Variants in ACACA observed in about 807,000 individuals in gnomAD.
The protein encoded by ACACA is acetyl-CoA carboxylase 1.
Under a neutral mutation model 296.1 loss-of-function variants are expected in ACACA, and 103 were observed. The ratio of observed to expected loss-of-function variants is 0.35; its 90% CI spans 0.30 to 0.41. The LOEUF (loss-of-function observed/expected upper bound fraction) is 0.41, where lower values mean the gene tolerates loss of function less well. Ranked by LOEUF, ACACA falls within the 10% of genes least tolerant of loss-of-function variation. ACACA has a pLI of 1.00. For missense variants in ACACA, 1,554 were observed against 2,989.7 expected (o/e 0.52, Z 11.20); for synonymous variants, 953 against 1,038.6 (o/e 0.92, Z 1.58).
rs34799022 is a variant in ACACA, at chr17:37,092,273, C to CAA, written c.6892-3201_6892-3200dup. Among the ~76,000 whole-genome samples, 750 of 104,778 alleles carry CAA rather than the reference C, an allele frequency of 7.2e-3. 5 individuals are homozygous for CAA. Among genetic ancestry groups the CAA allele is most frequent in the African/African-American group, 0.017 (576 of 33,152 alleles). 68.7% of individuals were successfully genotyped at this position (104,778 alleles called of 152,430 possible). A position where few individuals can be genotyped will look rare whatever the true frequency, so the allele number is the denominator to read the frequency against. ...CAGCAGCCTGGGCAATAGAGTGAGA[C>CAA]AAAAAAAAAAAAAAAGAAAATGTGG... is the stretch of plus-strand genomic sequence containing the variant. On this transcript the variant is annotated intron_variant, in intron 54 of 55. Transcript: ENST00000616317.
intron 29 of ACACA, 54 bp downstream of exon 29, chr17:37,221,670 A>G: frequency 7.2e-7 from 1 of 1,386,064 alleles, no homozygotes; most frequent in South Asian, 1.2e-5. Context: ...ACTCCCCTTG[A>G]TTCTCATGGT....
intron 6 of ACACA, 80 bp downstream of exon 6, chr17:37,277,816 T>A: frequency 9.0e-7 from 1 of 1,109,078 alleles, no homozygotes. Context: ...TTTACAAAAA[T>A]GTTCTTCTCT....
intron 1 of ACACA, among the ~76,000 whole-genome samples, chr17:37,392,969 C>A: frequency 6.6e-6 from 1 of 151,712 alleles, no homozygotes; most frequent in Admixed American, 6.6e-5. Flanking sequence ...ATGGTGAAAC[C>A]CGTCTCTACT....
At chr17:37,136,251 C>G (rs1457298281) in intron 45 of ACACA, among the ~76,000 whole-genome samples, 5 of 152,046 alleles carry the variant, frequency 3.3e-5, no homozygotes, top group Non-Finnish European at 7.4e-5. Flanking sequence ...AACCATTGAT[C>G]TTTTTGTTCC....
chr17:37,365,025 T>C (rs1488811163), intron 1 of ACACA, among the ~76,000 whole-genome samples: 1 of 152,134 alleles, frequency 6.6e-6, no homozygotes, highest in East Asian at 1.9e-4. Flanking sequence ...CAGGCTGTAG[T>C]TCAGTAGCGT....
intron 1 of ACACA, among the ~76,000 whole-genome samples, chr17:37,384,428 T>C (rs1216449343): frequency 2.0e-5 from 3 of 152,234 alleles, no homozygotes; most frequent in Non-Finnish European, 2.9e-5. Flanking sequence ...TTTCCCCCTC[T>C]TTCAATCATA....
intron 16 of ACACA, among the ~76,000 whole-genome samples, chr17:37,251,227 G>A: frequency 6.6e-6 from 1 of 152,092 alleles, no homozygotes; most frequent in East Asian, 1.9e-4. Flanking sequence ...ATGTATACAG[G>A]GAGTTGAAAG....
intron 52 of ACACA, among the ~76,000 whole-genome samples, chr17:37,102,199 CTTTTTTTTTTTTT>C (rs35050543): frequency 1.2e-4 from 13 of 106,092 alleles, no homozygotes; most frequent in African/African-American, 5.0e-4. Flanking sequence ...GCATCCAGCT[CTTTTTTTTTTTTT>C]TTTTTTTTTT....
At chr17:37,130,787 C>T (rs1241806525) in intron 45 of ACACA, among the ~76,000 whole-genome samples, 1 of 151,968 alleles carries the variant, frequency 6.6e-6, no homozygotes, top group East Asian at 1.9e-4. Context: ...TGCACACAGA[C>T]ACAAAAAGGT....
intron 45 of ACACA, among the ~76,000 whole-genome samples, chr17:37,136,662 G>T (rs766043051): frequency 6.6e-6 from 1 of 151,968 alleles, no homozygotes; most frequent in Non-Finnish European, 1.5e-5. Context: ...AACCATTTAG[G>T]CCAGGCACAG....
chr17:37,341,499 G>A (rs956453168), intron 1 of ACACA, among the ~76,000 whole-genome samples: 2 of 152,024 alleles, frequency 1.3e-5, no homozygotes, highest in Admixed American at 6.6e-5. Context: ...AAACCAGCTG[G>A]GCCAACATGG....
intron 3 of ACACA, chr17:37,289,668 A>T (rs1598410177): frequency 6.3e-6 from 3 of 479,206 alleles, no homozygotes; most frequent in African/African-American, 2.0e-5. Context: ...CTACTCTATT[A>T]CAGCTTGGCT....
At chr17:37,322,673 G>A (rs1277197095) in intron 3 of ACACA, among the ~76,000 whole-genome samples, 1 of 152,154 alleles carries the variant, frequency 6.6e-6, no homozygotes, top group Non-Finnish European at 1.5e-5. Flanking sequence ...ACATCAAGAG[G>A]AGCAGAGGAA....
chr17:37,236,689 G>A (rs2080127208), intron 24 of ACACA, among the ~76,000 whole-genome samples: 1 of 152,056 alleles, frequency 6.6e-6, no homozygotes, highest in Non-Finnish European at 1.5e-5. Context: ...GCCAGGCATG[G>A]TGGTACACAC....
intron 1 of ACACA, among the ~76,000 whole-genome samples, chr17:37,372,591 C>T (rs187502359): frequency 6.6e-6 from 1 of 152,224 alleles, no homozygotes; most frequent in African/African-American, 2.4e-5. Flanking sequence ...GGTAGGCCTC[C>T]TGGCTTCCTG....
rs184911523 is a variant in ACACA at position 37,330,439 on chromosome 17, G to T, written c.86-14C>A. ...GAGCTCTTACAGCTATGGAGAAAAT[G>T]AAAAGTGAGAAAGGCAGGTTATGAA... On this transcript the variant is annotated splice_polypyrimidine_tract_variant and intron_variant, in intron 2 of 55. Transcript: ENST00000616317. 4,633 of 1,614,022 alleles carry T rather than the reference G, an allele frequency of 2.9e-3. 8 individuals are homozygous for T. The highest frequency in any genetic ancestry group is 3.6e-3 in the Non-Finnish European group (4,280 of 1,179,974).
intron 49 of ACACA, 79 bp from the exon 50 acceptor site, chr17:37,121,569 C>T: frequency 6.3e-7 from 1 of 1,575,912 alleles, no homozygotes; most frequent in Admixed American, 1.7e-5. Flanking sequence ...CAAGATTTTA[C>T]TTATTTAAAA....
intron 2 of ACACA, among the ~76,000 whole-genome samples, chr17:37,337,925 A>G (rs1437729803): frequency 1.3e-5 from 2 of 151,788 alleles, no homozygotes; most frequent in East Asian, 2.0e-4. Flanking sequence ...GTGAAACCCC[A>G]TCTCTAATAA....
intron 25 of ACACA, among the ~76,000 whole-genome samples, chr17:37,232,814 TAAAG>T (rs2079925814): frequency 6.6e-6 from 1 of 151,722 alleles, no homozygotes; most frequent in South Asian, 2.1e-4. Context: ...GACACCAAAA[TAAAG>T]AAAGGGACAA....
Sources: allele counts gnomAD v4.1 joint callset (sites outside exome capture counted in the v4.1 genomes callset), GRCh38; gene constraint gnomAD v4.1.1; transcripts MANE v1.5; gene names NCBI Gene and HGNC (gene_info 2026-07-23, HGNC 2026-07-21).